TNRC18: variants seen among roughly 807,000 people sequenced by gnomAD.
TNRC18 encodes the protein trinucleotide repeat-containing gene 18 protein.
Under a neutral mutation model 226.7 loss-of-function variants are expected in TNRC18, and 69 were observed. That is an observed-to-expected ratio of 0.30 (90% confidence interval 0.25 to 0.37). TNRC18 has a LOEUF of 0.37. TNRC18 is among the 10% of genes least tolerant of loss of function. The pLI, the probability that TNRC18 is intolerant of heterozygous loss-of-function variation, is 1.00. For missense variants in TNRC18, 4,754 were observed against 4,256.6 expected, an observed-to-expected ratio of 1.12 and a Z score of -3.25; for synonymous variants, 2,449 against 1,927.6, an observed-to-expected ratio of 1.27 and a Z score of -7.09.
intron 21 of TNRC18, among the ~76,000 whole-genome samples, chr7:5,321,656 T>C (rs1405738483): frequency 2.0e-5 from 3 of 150,674 alleles, no homozygotes; most frequent in Non-Finnish European, 4.4e-5. Context: ...TATTTATTTA[T>C]TTATTTATTT....
chr7:5,324,709 C>T lies in TNRC18; in HGVS notation c.6301-354G>A, dbSNP rs1788719545. On this transcript the variant is annotated intron_variant, in intron 20 of 29. Coordinates refer to ENST00000430969, the MANE Select transcript of TNRC18 (RefSeq NM_001080495.3). This position sits in a 1 kb window ranked among gnomAD's most constrained non-coding sequence, Gnocchi z 4.8. The stretch of plus-strand genomic sequence containing the variant: ...ATCTCCAGCATTTCCACCCAATGGG[C>T]TTGAGGAAAAACCACTCGGGCAGGG... Among the ~76,000 whole-genome samples the T allele has an allele frequency of 6.6e-6, 1 of 152,162 alleles. No homozygotes were observed. Among genetic ancestry groups the T allele is most frequent in the Non-Finnish European group, 1.5e-5 (1 of 68,020 alleles).
chr7:5,323,375 C>G (rs1233848839), intron 21 of TNRC18, among the ~76,000 whole-genome samples: 4 of 149,258 alleles, frequency 2.7e-5, no homozygotes, highest in African/African-American at 9.9e-5. Context: ...CTTCCCCTCT[C>G]CTCTGCCTGC....
At chr7:5,385,404 C>G (rs1016020704) in intron 5 of TNRC18, among the ~76,000 whole-genome samples, 1 of 142,362 alleles carries the variant, frequency 7.0e-6, no homozygotes, top group East Asian at 2.3e-4. Context: ...AGGAGAATGG[C>G]GTGAACCCGG....
Position 5,389,090 on chromosome 7 carries a change from G to A in TNRC18, c.734C>T (p.Ala245Val), listed in dbSNP as rs1780068759. The A allele has an allele frequency of 1.4e-5, 18 of 1,291,386 alleles. No individual in the cohort carries two copies. Among genetic ancestry groups the A allele is most frequent in the Admixed American group, 4.4e-5 (1 of 22,620 alleles). The allele number at this position is 1,291,386 out of a possible 1,614,324, so 80.0% of individuals were successfully genotyped here. ...PRGVVDLTQE[A>V]RAEGRQDRGP... is the part of the protein sequence containing the mutation. Reference sequence around the variant, plus strand: ...CCGGTCCTGGCGGCCCTCGGCGCGCGCCTCCTGGGTCAGGTCCACCACGCC... The same window carrying A: ...CCGGTCCTGGCGGCCCTCGGCGCGCACCTCCTGGGTCAGGTCCACCACGCC... The change falls in exon 5 of 30, where the codon GCG (alanine) becomes GTG (valine). Residue 245 changes from alanine (A) to valine (V), a missense_variant. Physicochemically the swap from Ala to Val is moderately conservative, Grantham distance 64. Transcript: ENST00000430969.
intron 2 of TNRC18, chr7:5,420,327 TC>T (rs1265153288): frequency 6.6e-6 from 3 of 454,038 alleles, no homozygotes; most frequent in Admixed American, 2.4e-5. Context: ...CTCTCTTCTT[TC>T]CCCCTAGGTT....
chr7:5,368,474 C>A (rs772214026), intron 11 of TNRC18, among the ~76,000 whole-genome samples: 17 of 152,002 alleles, frequency 1.1e-4, no homozygotes, highest in South Asian at 2.1e-4. Flanking sequence ...ACCAGCCTGG[C>A]CAACATGGTG....
intron 18 of TNRC18, 43 bp downstream of exon 18, chr7:5,345,519 C>CCCCCCCCCCCCCCCCCCCCCCCCCCCA: frequency 2.3e-5 from 4 of 174,076 alleles, no homozygotes; most frequent in Non-Finnish European, 3.6e-5. Flanking sequence ...TGGCGTCCGC[C>CCCCCCCCCCCCCCCCCCCCCCCCCCCA]CCTCCCACCC....
At position 5,421,176 on chromosome 7, in the gene TNRC18, G is replaced by C; in HGVS notation, c.71C>G (p.Ala24Gly). Residue 24 changes from alanine (A) to glycine (G), a missense_variant, in exon 2 of 30, where the codon GCC (alanine) becomes GGC (glycine). Ala to Gly is a moderately conservative substitution (Grantham distance 60). Transcript: ENST00000430969. Reference sequence around the variant, plus strand: ...CGCGCCCACGCGGTGGCTGTCCATGGCCAGGCCGGACAGCAGCGGCGGCGG... The same window carrying C: ...CGCGCCCACGCGGTGGCTGTCCATGCCCAGGCCGGACAGCAGCGGCGGCGG... ...GPPPPLLSGL[A>G]MDSHRVGAAT... 6.4e-6 allele frequency: 9 copies of C among 1,400,290 alleles called. No individual in the cohort carries two copies. Among genetic ancestry groups the C allele is most frequent in the Non-Finnish European group, 8.4e-6 (9 of 1,074,748 alleles). The allele number at this position is 1,400,290 out of a possible 1,614,324, so 86.7% of individuals were successfully genotyped here. A position where few individuals can be genotyped will look rare whatever the true frequency, so the allele number is the denominator to read the frequency against.
chr7:5,358,458 A>T (rs1388933927), intron 15 of TNRC18, among the ~76,000 whole-genome samples: 1 of 152,188 alleles, frequency 6.6e-6, no homozygotes, highest in Non-Finnish European at 1.5e-5. Flanking sequence ...TAACACTGGC[A>T]ATCTTTCTTC....
At chr7:5,327,383 G>GTGTGTA (rs1180154186) in intron 19 of TNRC18, among the ~76,000 whole-genome samples, 4 of 102,496 alleles carry the variant, frequency 3.9e-5, no homozygotes, top group African/African-American at 1.4e-4. Context: ...GTGTGTGTGT[G>GTGTGTA]TGTGTGTGTG....
intron 16 of TNRC18, among the ~76,000 whole-genome samples, chr7:5,356,168 T>TAA (rs1172689513): frequency 1.8e-4 from 18 of 99,612 alleles, no homozygotes; most frequent in East Asian, 5.2e-4. Flanking sequence ...CGTCTCAAAT[T>TAA]AAAAAAAAAA....
intron 2 of TNRC18, among the ~76,000 whole-genome samples, chr7:5,411,215 CAAAAAAAAAAAA>C: frequency 1.3e-5 from 1 of 76,004 alleles, no homozygotes; most frequent in Non-Finnish European, 2.6e-5. Context: ...GACTCCATCT[CAAAAAAAAAAAA>C]AAAAAAGAAA....
In TNRC18 at chr7:5,388,384, G is replaced by C. The variant is rs1226679655; in HGVS notation, c.1440C>G (p.Arg480=). Residue 480 remains arginine, a synonymous_variant, in exon 5 of 30, where the codon CGC becomes CGG. Transcript: ENST00000430969. ...ADPRPCERAP[R]GPAGPAAQQA... ...GTTGGGCTGCAGGACCGGCTGGGCC[G>C]CGGGGCGCACGCTCGCAGGGCCTCG... 2.6e-6 allele frequency: 4 copies of C among 1,529,350 alleles called. No homozygotes were observed. The South Asian group carries it at 4.9e-5, about 19-fold the overall frequency. The allele number at this position is 1,529,350 out of a possible 1,614,324, so 94.7% of individuals were successfully genotyped here. A position where few individuals can be genotyped will look rare whatever the true frequency, so the allele number is the denominator to read the frequency against.
chr7:5,337,256 C>T (rs1013379123), intron 18 of TNRC18, among the ~76,000 whole-genome samples: 3 of 151,574 alleles, frequency 2.0e-5, no homozygotes, highest in African/African-American at 7.3e-5. Flanking sequence ...AAACTGTCAA[C>T]CCAAAATTCT....
At chr7:5,327,957 C>G (rs1185329913) in intron 19 of TNRC18, among the ~76,000 whole-genome samples, 1 of 152,152 alleles carries the variant, frequency 6.6e-6, no homozygotes, top group Non-Finnish European at 1.5e-5. Flanking sequence ...CGCGGTGGCT[C>G]ACGCCTGTAA....
intron 14 of TNRC18, among the ~76,000 whole-genome samples, chr7:5,361,124 G>A (rs1177046900): frequency 6.6e-6 from 1 of 152,158 alleles, no homozygotes; most frequent in Non-Finnish European, 1.5e-5. Flanking sequence ...TGCGACCGCC[G>A]CCCGAGGAGG....
chr7:5,389,461 G>GTTTTTTTGTTTTTTTTTTGTTTTA, intron 4 of TNRC18, 125 bp from the exon 5 acceptor site: 1 of 564,674 alleles, frequency 1.8e-6, no homozygotes, highest in Non-Finnish European at 2.3e-6. Flanking sequence ...TTTGGTTTTG[G>GTTTTTTTGTTTTTTTTTTGTTTTA]TTTTTTTTTT....
chr7:5,308,512 A>G (rs1786824291), intron 29 of TNRC18, among the ~76,000 whole-genome samples, 200 bp from the exon 30 acceptor site: 1 of 152,166 alleles, frequency 6.6e-6, no homozygotes, highest in Non-Finnish European at 1.5e-5. Context: ...AATGAGAGAC[A>G]AGGATAGACA....
chr7:5,346,189 G>A (rs943533688), intron 17 of TNRC18, among the ~76,000 whole-genome samples: 2 of 152,222 alleles, frequency 1.3e-5, no homozygotes, highest in African/African-American at 2.4e-5. Flanking sequence ...ACAGAGGCAG[G>A]AGGAGAAGGA....
Sources: gnomAD v4.1 joint callset for allele counts (sites outside exome capture counted in the v4.1 genomes callset) on GRCh38, gnomAD v4.1.1 for gene constraint, Gnocchi (gnomAD v3.1) non-coding constraint, MANE v1.5 for transcripts, NCBI Gene and HGNC (gene_info 2026-07-23, HGNC 2026-07-21) for gene names.